Variants in ARNT2 observed in about 807,000 individuals in gnomAD.
ARNT2 encodes the protein aryl hydrocarbon receptor nuclear translocator 2.
ARNT2 carries 36 observed loss-of-function variants against 91.7 expected under a neutral mutation model. The observed-to-expected ratio is 0.39, with a 90% CI of 0.30 to 0.52. ARNT2 has a LOEUF of 0.52. Ranked by LOEUF, ARNT2 falls within the 20% of genes least tolerant of loss-of-function variation. ARNT2 has a pLI of 0.72. For missense variants in ARNT2, 775 were observed against 939.3 expected (o/e 0.83, Z 2.29); for synonymous variants, 365 against 347.1 (o/e 1.05, Z -0.57).
At chr15:80,474,122 C>T (rs1566982157) in intron 4 of ARNT2, among the ~76,000 whole-genome samples, 1 of 152,284 alleles carries the variant, frequency 6.6e-6, no homozygotes, top group East Asian at 1.9e-4. Context: ...GTATGGGCAA[C>T]TATACTTGAG....
intron 3 of ARNT2, among the ~76,000 whole-genome samples, chr15:80,460,305 G>A (rs1896533802): frequency 6.6e-6 from 1 of 152,198 alleles, no homozygotes; most frequent in African/African-American, 2.4e-5. Flanking sequence ...TTTGGGAAGT[G>A]TGGTCACAGT....
chr15:80,457,621 G>A (rs1437082193), intron 2 of ARNT2, among the ~76,000 whole-genome samples: 1 of 152,228 alleles, frequency 6.6e-6, no homozygotes, highest in Non-Finnish European at 1.5e-5. Context: ...CATAGCCAGA[G>A]CAATCCATTG....
intron 11 of ARNT2, among the ~76,000 whole-genome samples, chr15:80,559,112 A>G (rs1049379686): frequency 1.3e-5 from 2 of 151,978 alleles, no homozygotes; most frequent in Non-Finnish European, 2.9e-5. Context: ...ACAACACCAC[A>G]CCCCACACAT....
At chr15:80,569,665 G>A (rs1898551431) in intron 12 of ARNT2, among the ~76,000 whole-genome samples, 1 of 152,212 alleles carries the variant, frequency 6.6e-6, no homozygotes. Context: ...GCTTCCCAGT[G>A]AAAGGAGCTT....
intron 1 of ARNT2, among the ~76,000 whole-genome samples, chr15:80,422,266 C>A (rs1477170145): frequency 1.3e-5 from 2 of 152,118 alleles, no homozygotes; most frequent in Admixed American, 1.3e-4. Context: ...GATATTCAAA[C>A]CTTAACTAGA....
At position 80,563,227 on chromosome 15, in the gene ARNT2, A is replaced by T; in HGVS notation, c.1304A>T (p.Asn435Ile). Residue 435 changes from asparagine (N) to isoleucine (I), a missense_variant, in exon 12 of 19, where the codon AAC (asparagine) becomes ATC (isoleucine). This residue lies in a region of ARNT2 where 325 missense variants were observed against 359.9 expected (regional missense o/e 0.90). Transcript: ENST00000303329. Reference sequence around the variant, plus strand: ...GAGATTGAGTACATCATCTGCACCAACACCAACGTCAAGTACGTACACTGC... The same window carrying T: ...GAGATTGAGTACATCATCTGCACCATCACCAACGTCAAGTACGTACACTGC... ...SDEIEYIICT[N>I]TNVKQLQQQQ... The T allele has an allele frequency of 3.1e-6, 5 of 1,614,126 alleles. No individual in the cohort carries two copies. The highest frequency in any genetic ancestry group is 4.2e-6 in the Non-Finnish European group (5 of 1,180,022).
Position 80,512,851 on chromosome 15 carries a change from G to A in ARNT2, c.726-1060G>A, listed in dbSNP as rs117216514. Among the ~76,000 whole-genome samples, 32 of 152,322 alleles carry A rather than the reference G, an allele frequency of 2.1e-4. 1 individual carries two copies. The East Asian group carries it at 6.2e-3, about 29-fold the overall frequency. ...ATATTGGTTGCTCTTTGAAGTGCCAGGTCCATACTGCCTGTGTTTACCTGA... is the reference window on the plus strand; with the variant it reads ...ATATTGGTTGCTCTTTGAAGTGCCAAGTCCATACTGCCTGTGTTTACCTGA... On this transcript the variant is annotated intron_variant, in intron 6 of 18. Transcript: ENST00000303329.
At chr15:80,580,360 T>A (rs1567007452) in intron 15 of ARNT2, 51 bp from the exon 16 acceptor site, 1 of 1,608,598 alleles carries the variant, frequency 6.2e-7, no homozygotes, top group Admixed American at 1.7e-5. Flanking sequence ...GCACGTAGAC[T>A]CATGCAAACC....
At chr15:80,569,073 G>A (rs549780122) in intron 12 of ARNT2, among the ~76,000 whole-genome samples, 8 of 152,330 alleles carry the variant, frequency 5.3e-5, no homozygotes, top group African/African-American at 1.9e-4. Context: ...AGTCAGGGTG[G>A]ATATTATTAG....
chr15:80,528,706 C>T (rs188015135), intron 8 of ARNT2, among the ~76,000 whole-genome samples: 1 of 152,196 alleles, frequency 6.6e-6, no homozygotes, highest in African/African-American at 2.4e-5. Flanking sequence ...TGTTGTCTCC[C>T]CACTCTCTCA....
intron 1 of ARNT2, among the ~76,000 whole-genome samples, chr15:80,449,947 T>G (rs1412937236): frequency 6.6e-6 from 1 of 152,190 alleles, no homozygotes. Flanking sequence ...TAAGAAAAGC[T>G]AACACTGTGG....
chr15:80,446,296 G>C (rs577909823), intron 1 of ARNT2, among the ~76,000 whole-genome samples: 2 of 152,202 alleles, frequency 1.3e-5, no homozygotes, highest in African/African-American at 4.8e-5. Flanking sequence ...ATAAATAATT[G>C]GCTTTCCTTA....
intron 8 of ARNT2, among the ~76,000 whole-genome samples, chr15:80,525,020 A>T (rs1897617984): frequency 6.6e-6 from 1 of 152,232 alleles, no homozygotes. Context: ...GGAGAATAGT[A>T]ATCACTGTTA....
At chr15:80,493,892 C>T (rs1464781426) in intron 5 of ARNT2, among the ~76,000 whole-genome samples, 1 of 152,140 alleles carries the variant, frequency 6.6e-6, no homozygotes, top group African/African-American at 2.4e-5. Context: ...AGTTCTCACT[C>T]TTTTGGTTCA....
At chr15:80,561,267 C>T (rs545473096) in intron 11 of ARNT2, among the ~76,000 whole-genome samples, 32 of 152,254 alleles carry the variant, frequency 2.1e-4, no homozygotes, top group Non-Finnish European at 3.1e-4. Context: ...TGTGATCTCT[C>T]AGTTGGCAAA....
Position 80,575,023 on chromosome 15 carries a change from G to T in ARNT2, c.1426G>T (p.Ala476Ser). 6.2e-7 allele frequency: 1 copy of T among 1,614,210 alleles called. No individual in the cohort carries two copies. The highest frequency in any genetic ancestry group is 8.5e-7 in the Non-Finnish European group (1 of 1,180,038). Residue 476 changes from alanine (A) to serine (S), a missense_variant, in exon 14 of 19, where the codon GCC (alanine) becomes TCC (serine). Ala to Ser is a moderately conservative substitution (Grantham distance 99). Around this residue, in one of 5 missense-constraint regions of ARNT2, gnomAD observed 325 missense variants for 359.9 expected, o/e 0.90. Coordinates refer to ENST00000303329, the MANE Select transcript of ARNT2 (RefSeq NM_014862.4). Reference sequence around the variant, plus strand: ...CAACCTACCAGCCGGTGTTCATGAGGCCGGGAAGTCCGTGGAAAAGGCGGA... The same window carrying T: ...CAACCTACCAGCCGGTGTTCATGAGTCCGGGAAGTCCGTGGAAAAGGCGGA... ...VPNLPAGVHE[A>S]GKSVEKADAI...
chr15:80,404,555 C>T lies in ARNT2; in HGVS notation c.31+9C>T. ...GGCGGTCAACCCTCCGGGTGAGTAG[C>T]GGCCTGGGCCCCGCCGCCCGCCGCA... is the stretch of plus-strand genomic sequence containing the variant. On this transcript the variant is annotated intron_variant, in intron 1 of 18. Transcript: ENST00000303329. This position sits in a 1 kb window ranked among gnomAD's most constrained non-coding sequence, Gnocchi z 5.5. The T allele has an allele frequency of 1.8e-6, 2 of 1,131,628 alleles. No individual in the cohort carries two copies. The highest frequency in any genetic ancestry group is 1.1e-6 in the Non-Finnish European group (1 of 913,664). 70.1% of individuals were successfully genotyped at this position (1,131,628 alleles called of 1,614,324 possible). A position where few individuals can be genotyped will look rare whatever the true frequency, so the allele number is the denominator to read the frequency against.
chr15:80,482,398 T>G (rs1896903918), intron 5 of ARNT2, among the ~76,000 whole-genome samples: 1 of 151,754 alleles, frequency 6.6e-6, no homozygotes, highest in South Asian at 2.1e-4. Flanking sequence ...AACCATTTGT[T>G]GTCTGGGGCT....
At chr15:80,440,869 G>A (rs986651643) in intron 1 of ARNT2, among the ~76,000 whole-genome samples, 3 of 152,206 alleles carry the variant, frequency 2.0e-5, no homozygotes, top group Non-Finnish European at 2.9e-5. Flanking sequence ...GGTTAAAGCC[G>A]AGCATGGATC....
Sources: allele counts gnomAD v4.1 joint callset (sites outside exome capture counted in the v4.1 genomes callset), GRCh38; gene constraint gnomAD v4.1.1; regional missense constraint gnomAD v4.1.1; non-coding constraint Gnocchi (gnomAD v3.1); transcripts MANE v1.5; gene names NCBI Gene and HGNC (gene_info 2026-07-23, HGNC 2026-07-21).